The following MYO9B variants were observed in gnomAD, a reference collection of about 807,000 sequenced individuals.
MYO9B encodes unconventional myosin-IXb.
A neutral mutation model predicts 229.5 loss-of-function variants in MYO9B; 71 were observed. The observed-to-expected ratio is 0.31, with a 90% confidence interval of 0.26 to 0.38. MYO9B has a LOEUF of 0.38. MYO9B is among the 10% of genes least tolerant of loss of function. The pLI is 1.00. For synonymous variants in MYO9B, 1,185 were observed against 1,235.8 expected, an observed-to-expected ratio of 0.96 and a Z score of 0.86; for missense variants, 2,255 against 2,920.5, an observed-to-expected ratio of 0.77 and a Z score of 5.25.
intron 11 of MYO9B, among the ~76,000 whole-genome samples, chr19:17,171,176 C>T (rs2072720685): frequency 6.6e-6 from 1 of 152,184 alleles, no homozygotes; most frequent in Non-Finnish European, 1.5e-5. Context: ...CCCGTTAACG[C>T]GGAGCCCCCG....
chr19:17,187,227 C>A (rs1313808162), intron 18 of MYO9B, among the ~76,000 whole-genome samples: 1 of 152,210 alleles, frequency 6.6e-6, no homozygotes, highest in Admixed American at 6.5e-5. Flanking sequence ...CCCAGCTGTT[C>A]TCTGCCTGTT....
At position 17,152,659 on chromosome 19, in the gene MYO9B, A is replaced by G; in HGVS notation, c.951A>G (p.Lys317=). ...TTAATGACAGAGCTGTCGTCGAGAA[A>G]TATCTGCTTGAAAAGTCTCGCCTGG... The part of the protein sequence containing the change: ...SGIVRGAVVE[K]YLLEKSRLVS... The change falls in exon 4 of 40, where the codon AAA becomes AAG. Residue 317 remains lysine (K), a synonymous_variant. Coordinates refer to ENST00000682292, the MANE Select transcript of MYO9B (RefSeq NM_004145.4). The G allele has an allele frequency of 6.2e-7, 1 of 1,613,418 alleles. No homozygotes were observed. The highest frequency in any genetic ancestry group is 8.5e-7 in the Non-Finnish European group (1 of 1,179,608).
At chr19:17,108,502 G>A (rs928737175) in intron 2 of MYO9B, among the ~76,000 whole-genome samples, 1 of 152,094 alleles carries the variant, frequency 6.6e-6, no homozygotes, top group African/African-American at 2.4e-5. Context: ...CACCCCGCAG[G>A]TGTGACACCC....
At chr19:17,176,679 G>C (rs1349360805) in intron 14 of MYO9B, among the ~76,000 whole-genome samples, 1 of 152,168 alleles carries the variant, frequency 6.6e-6, no homozygotes, top group Non-Finnish European at 1.5e-5. Flanking sequence ...GGGAGGTAGA[G>C]CCCAAGCATC....
chr19:17,197,977 G>C, intron 23 of MYO9B, 119 bp downstream of exon 23: 1 of 1,398,974 alleles, frequency 7.1e-7, no homozygotes, highest in Non-Finnish European at 9.8e-7. Flanking sequence ...TCGCTTGAAC[G>C]CAGTGGCAGG....
intron 2 of MYO9B, among the ~76,000 whole-genome samples, chr19:17,134,384 T>G (rs1194745590): frequency 4.1e-5 from 3 of 73,938 alleles, no homozygotes; most frequent in South Asian, 4.7e-4. Context: ...TTTGTTTGTT[T>G]TTTTTTTTTT....
intron 11 of MYO9B, among the ~76,000 whole-genome samples, chr19:17,169,371 CAAAAAAAAAA>C (rs58898086): frequency 1.1e-5 from 1 of 88,936 alleles, no homozygotes; most frequent in Admixed American, 1.3e-4. Context: ...GACTCTGTCT[CAAAAAAAAAA>C]AAAAAAAAAA....
intron 39 of MYO9B, 30 bp from the exon 40 acceptor site, chr19:17,211,865 G>T (rs1325176476): frequency 6.3e-7 from 1 of 1,597,706 alleles, no homozygotes; most frequent in Non-Finnish European, 8.5e-7. Context: ...CCCTGAAGCT[G>T]CAGTAACCCT....
intron 16 of MYO9B, 29 bp downstream of exon 16, chr19:17,183,897 A>G (rs1290245576): frequency 3.9e-6 from 6 of 1,544,870 alleles, no homozygotes; most frequent in Non-Finnish European, 5.2e-6. Flanking sequence ...CCCGCGCGAC[A>G]CGTTCCAAGA....
intron 22 of MYO9B, among the ~76,000 whole-genome samples, chr19:17,197,421 T>TAGATAGAG (rs2073056260): frequency 8.5e-6 from 1 of 117,324 alleles, no homozygotes; most frequent in Non-Finnish European, 1.7e-5. Context: ...GATAGATAGA[T>TAGATAGAG]AGATAGATAG....
chr19:17,200,495 C>T, intron 25 of MYO9B, 69 bp downstream of exon 25: 2 of 1,522,204 alleles, frequency 1.3e-6, no homozygotes, highest in Middle Eastern at 2.3e-4. Flanking sequence ...TCACTGTCCC[C>T]AAACGGGGCC....
intron 35 of MYO9B, among the ~76,000 whole-genome samples, 200 bp from the exon 36 acceptor site, chr19:17,209,384 CAG>C (rs1424431727): frequency 6.6e-6 from 1 of 152,212 alleles, no homozygotes; most frequent in Non-Finnish European, 1.5e-5. Context: ...AGGAGGCGTG[CAG>C]AGACAGGAGA....
At chr19:17,127,366 G>A (rs777882439) in intron 2 of MYO9B, among the ~76,000 whole-genome samples, 7 of 146,464 alleles carry the variant, frequency 4.8e-5, no homozygotes, top group African/African-American at 7.6e-5. Flanking sequence ...TTGCCCTGTC[G>A]CCCAGGCTGG....
At chr19:17,174,208 T>C (rs900101612) in intron 13 of MYO9B, among the ~76,000 whole-genome samples, 5 of 151,948 alleles carry the variant, frequency 3.3e-5, no homozygotes. Context: ...TGTTTTGTAT[T>C]TTTTAGTAGA....
Position 17,192,798 on chromosome 19 carries a change from A to G in MYO9B, c.2864A>G (p.Glu955Gly). ...GCCCTGCAGGAGACGCTGCACCGGG[A>G]GGTGGTGCGGAAAATCCTGCTGCTG... ...RQALQETLHR[E>G]VVRKILLLQS... Residue 955 changes from glutamate to glycine, a missense_variant, in exon 21 of 40, where the codon GAG becomes GGG. Physicochemically the swap from Glu to Gly is moderately conservative, Grantham distance 98. Transcript: ENST00000682292. 1 of 1,558,794 alleles carries G rather than the reference A, an allele frequency of 6.4e-7. No individual in the cohort carries two copies. The highest frequency in any genetic ancestry group is 8.7e-7 in the Non-Finnish European group (1 of 1,152,234).
chr19:17,192,884 G>T lies in MYO9B; in HGVS notation c.2950G>T (p.Val984Phe). The T allele has an allele frequency of 1.3e-6, 2 of 1,550,442 alleles. No individual in the cohort carries two copies. Among genetic ancestry groups the T allele is most frequent in the Non-Finnish European group, 1.7e-6 (2 of 1,147,124 alleles). ...RHFLQMKRAAVTIQACWRSYR... is the reference protein window; with the variant it reads ...RHFLQMKRAAFTIQACWRSYR... ...CTTCCTGCAGATGAAGCGGGCCGCC[G>T]TCACCATCCAGGCCTGCTGGCGGTC... The change falls in exon 21 of 40, where the codon GTC becomes TTC. Residue 984 changes from valine (V) to phenylalanine (F), a missense_variant. Physicochemically the swap from Val to Phe is conservative, Grantham distance 50 (BLOSUM62 -1). This residue lies in a region of MYO9B where 679 missense variants were observed against 770.2 expected (regional missense o/e 0.88). Coordinates refer to ENST00000682292, the MANE Select transcript of MYO9B (RefSeq NM_004145.4).
chr19:17,159,457 G>T lies in MYO9B; in HGVS notation c.1392G>T (p.Lys464Asn). Residue 464 changes from lysine to asparagine, a missense_variant, in exon 8 of 40, where the codon AAG becomes AAT. Physicochemically the swap from Lys to Asn is moderately conservative, Grantham distance 94 (BLOSUM62 0). Transcript: ENST00000682292. Reference sequence around the variant, plus strand: ...GAAAAACGGTGACCGTCAACGACAAGCTTATCCTTCCCTACAGCCTCAGCG... The same window carrying T: ...GAAAAACGGTGACCGTCAACGACAATCTTATCCTTCCCTACAGCCTCAGCG... The part of the protein sequence containing the change: ...TKRKTVTVND[K>N]LILPYSLSEA... 6.2e-7 allele frequency: 1 copy of T among 1,610,368 alleles called. No homozygotes were observed. The highest frequency in any genetic ancestry group is 8.5e-7 in the Non-Finnish European group (1 of 1,178,330).
At position 17,078,285 on chromosome 19, in the gene MYO9B, G is replaced by A. The variant is rs2057504535; in HGVS notation, c.-59+2411G>A. Among the ~76,000 whole-genome samples the A allele has an allele frequency of 3.3e-5, 5 of 152,276 alleles. No homozygotes were observed. In the South Asian group the frequency reaches 1.0e-3, roughly 32 times the overall value. On this transcript the variant is annotated intron_variant, in intron 1 of 39. Transcript: ENST00000682292. ...TTCAAGCTGGGCCGCGGTGGCTCAG[G>A]CCTGTAATCCCTTTGGGAGGCCAAG...
rs748733242 is a variant in MYO9B, at chr19:17,159,439, G to A, written c.1374G>A (p.Thr458=). 6.5e-5 allele frequency: 105 copies of A among 1,610,710 alleles called. No individual in the cohort carries two copies. The highest frequency in any genetic ancestry group is 7.8e-5 in the Non-Finnish European group (92 of 1,178,604). The change falls in exon 8 of 40, where the codon ACG becomes ACA. Residue 458 remains threonine (T), a synonymous_variant. Coordinates refer to ENST00000682292, the MANE Select transcript of MYO9B (RefSeq NM_004145.4). ...TGGAGGTTCTGACCAAAAGAAAAAC[G>A]GTGACCGTCAACGACAAGCTTATCC... ...ILVEVLTKRK[T]VTVNDKLILP...
Sources: allele counts gnomAD v4.1 joint callset (sites outside exome capture counted in the v4.1 genomes callset), GRCh38; gene constraint gnomAD v4.1.1; regional missense constraint gnomAD v4.1.1; transcripts MANE v1.5; gene names NCBI Gene and HGNC (gene_info 2026-07-23, HGNC 2026-07-21).